GPC6: variants seen among roughly 807,000 people sequenced by gnomAD.
The protein encoded by GPC6 is glypican-6.
Under a neutral mutation model 55.2 loss-of-function variants are expected in GPC6, and 14 were observed. The ratio of observed to expected loss-of-function variants is 0.25; its 90% CI spans 0.17 to 0.40. GPC6 has a LOEUF of 0.40. GPC6 is among the 10% of genes least tolerant of loss of function. The probability of loss-of-function intolerance (pLI) is 1.00; values close to 1 mark genes in which losing one functional copy is unlikely to be tolerated. For missense variants in GPC6, 641 were observed against 708.5 expected (o/e 0.90, Z 1.08); for synonymous variants, 278 against 259.6 (o/e 1.07, Z -0.68).
At chr13:93,235,578 GGAT>G (rs1381762825) in intron 1 of GPC6, among the ~76,000 whole-genome samples, 1 of 152,020 alleles carries the variant, frequency 6.6e-6, no homozygotes, top group Admixed American at 6.6e-5. Flanking sequence ...TCTCAGAGGA[GGAT>G]GAGAGGAGTG....
chr13:93,767,971 C>G (rs1372985181), intron 2 of GPC6, among the ~76,000 whole-genome samples: 1 of 151,906 alleles, frequency 6.6e-6, no homozygotes, highest in Non-Finnish European at 1.5e-5. Context: ...GTTACAAGCA[C>G]TATGGAAATA....
At chr13:93,945,026 T>TA (rs1878936245) in intron 3 of GPC6, among the ~76,000 whole-genome samples, 1 of 152,192 alleles carries the variant, frequency 6.6e-6, no homozygotes, top group Non-Finnish European at 1.5e-5. Flanking sequence ...TTGTTTGTCT[T>TA]CTACTGAGAC....
chr13:94,175,027 A>G (rs1448732019), intron 4 of GPC6, among the ~76,000 whole-genome samples: 1 of 152,092 alleles, frequency 6.6e-6, no homozygotes, highest in Non-Finnish European at 1.5e-5. Context: ...CCCAAATATC[A>G]CCACTCTTCA....
intron 1 of GPC6, among the ~76,000 whole-genome samples, chr13:93,258,618 C>A (rs1376450736): frequency 6.6e-6 from 1 of 151,994 alleles, no homozygotes; most frequent in Non-Finnish European, 1.5e-5. Context: ...ATGTGAGGGG[C>A]AGAAGACAAA....
At chr13:93,710,700 A>C (rs948992367) in intron 2 of GPC6, among the ~76,000 whole-genome samples, 155 of 130,036 alleles carry the variant, frequency 1.2e-3, no homozygotes, top group African/African-American at 5.5e-3. Flanking sequence ...CCCCCCCCCA[A>C]AAAAAATATG....
At chr13:94,393,471 C>T (rs1880757299) in intron 7 of GPC6, among the ~76,000 whole-genome samples, 1 of 152,170 alleles carries the variant, frequency 6.6e-6, no homozygotes. Context: ...CTTAAGCCTG[C>T]TTAACATGAA....
intron 4 of GPC6, among the ~76,000 whole-genome samples, chr13:94,112,497 C>A (rs74816241): frequency 6.6e-6 from 1 of 152,232 alleles, no homozygotes; most frequent in East Asian, 1.9e-4. Flanking sequence ...ACTTTGAACT[C>A]CTTAAAACTT....
At chr13:94,054,545 C>A (rs2138758560) in intron 4 of GPC6, among the ~76,000 whole-genome samples, 1 of 152,298 alleles carries the variant, frequency 6.6e-6, no homozygotes, top group African/African-American at 2.4e-5. Context: ...AATAATCCCA[C>A]CTTTTGACAC....
rs572374303 is a variant in GPC6 at position 94,138,124 on chromosome 13, A to G, written c.877+110230A>G. On this transcript the variant is annotated intron_variant, in intron 4 of 8. Coordinates refer to ENST00000377047, the MANE Select transcript of GPC6 (RefSeq NM_005708.5). ...AAATATGAAATGCTCCAAAATCTGA[A>G]ACATTTTGAGTACCAACATAACATT... Among the ~76,000 whole-genome samples the G allele has an allele frequency of 2.6e-5, 4 of 152,326 alleles. No homozygotes were observed. In the South Asian group the frequency reaches 8.3e-4, roughly 32 times the overall value.
intron 1 of GPC6, among the ~76,000 whole-genome samples, chr13:93,368,094 C>T (rs773660526): frequency 3.9e-5 from 6 of 152,060 alleles, no homozygotes; most frequent in Non-Finnish European, 8.8e-5. Context: ...GCTTCAAATA[C>T]TTTTGTAGCT....
intron 5 of GPC6, among the ~76,000 whole-genome samples, chr13:94,287,197 A>C: frequency 6.6e-6 from 1 of 152,174 alleles, no homozygotes; most frequent in East Asian, 1.9e-4. Flanking sequence ...TTTCTCTCCC[A>C]TAGTGATGAC....
At chr13:94,401,163 T>TA (rs1322361269) in intron 8 of GPC6, among the ~76,000 whole-genome samples, 2 of 152,332 alleles carry the variant, frequency 1.3e-5, no homozygotes, top group Admixed American at 1.3e-4. Context: ...CACATTTATT[T>TA]ATTCAGCAAG....
At chr13:93,672,516 A>G (rs1394929831) in intron 2 of GPC6, among the ~76,000 whole-genome samples, 5 of 151,638 alleles carry the variant, frequency 3.3e-5, no homozygotes, top group Non-Finnish European at 4.4e-5. Context: ...TAAAAATTGG[A>G]TTTTTTTCTC....
chr13:94,376,381 C>A (rs989851869), intron 6 of GPC6, among the ~76,000 whole-genome samples: 1 of 150,662 alleles, frequency 6.6e-6, no homozygotes, highest in African/African-American at 2.4e-5. Flanking sequence ...GTAGAAAAAT[C>A]ACAAGCATTC....
chr13:94,151,081 C>T (rs4525349), intron 4 of GPC6, among the ~76,000 whole-genome samples: 62,119 of 151,278 alleles, frequency 0.41, 13,205 homozygotes, highest in East Asian at 0.57. Context: ...ATGGATGGAG[C>T]CACATAGTTA....
chr13:94,310,451 C>T (rs374423919), intron 6 of GPC6, among the ~76,000 whole-genome samples: 109 of 152,296 alleles, frequency 7.2e-4, no homozygotes, highest in Admixed American at 1.8e-3. Flanking sequence ...ACCAACAAAG[C>T]TCAACTTTGT....
At chr13:94,267,791 C>T (rs746961141) in intron 4 of GPC6, among the ~76,000 whole-genome samples, 4 of 152,092 alleles carry the variant, frequency 2.6e-5, no homozygotes, top group Admixed American at 6.5e-5. Flanking sequence ...ATAGTGCTCC[C>T]GTAGAAACGC....
At chr13:93,999,321 G>A (rs777004321) in intron 3 of GPC6, among the ~76,000 whole-genome samples, 1 of 152,108 alleles carries the variant, frequency 6.6e-6, no homozygotes, top group South Asian at 2.1e-4. Flanking sequence ...GAGAATGGTG[G>A]TTTCCAGCTT....
At chr13:94,378,587 A>T (rs1171180384) in intron 6 of GPC6, among the ~76,000 whole-genome samples, 1 of 152,176 alleles carries the variant, frequency 6.6e-6, no homozygotes. Flanking sequence ...CTCTACTGAC[A>T]TCAGAAGTTG....
Sources: gnomAD v4.1 joint callset for allele counts (sites outside exome capture counted in the v4.1 genomes callset) on GRCh38, gnomAD v4.1.1 for gene constraint, MANE v1.5 for transcripts, NCBI Gene and HGNC (gene_info 2026-07-23, HGNC 2026-07-21) for gene names.